The following COL4A3 variants were observed in gnomAD, a reference collection of about 807,000 sequenced individuals.
COL4A3 encodes the protein collagen alpha-3(IV) chain.
Under a neutral mutation model 217.4 loss-of-function variants are expected in COL4A3, and 135 were observed. That is an observed-to-expected ratio of 0.62 (90% CI 0.54 to 0.72). COL4A3 has a LOEUF of 0.72. Among genes scored for constraint, COL4A3 ranks in the 30% least tolerant of loss-of-function variants. The probability of loss-of-function intolerance (pLI) is 0.00; values close to 1 mark genes in which losing one functional copy is unlikely to be tolerated. For missense variants in COL4A3, 1,868 were observed against 2,119.9 expected (o/e 0.88, Z 2.33); for synonymous variants, 690 against 736.3 (o/e 0.94, Z 1.02).
Position 227,210,595 on chromosome 2 carries a change from G to A in COL4A3, c.88-27373G>A, listed in dbSNP as rs77500320. On this transcript the variant is annotated intron_variant, in intron 1 of 51. Coordinates refer to ENST00000396578, the MANE Select transcript of COL4A3 (RefSeq NM_000091.5). ...ACAGAGTGAGACTCCATCTCAAAAA[G>A]AAAAAAAGAATGCAAAATAAACACC... is the stretch of plus-strand genomic sequence containing the variant. Among the ~76,000 whole-genome samples, 738 of 151,954 alleles carry A rather than the reference G, an allele frequency of 4.9e-3. 7 individuals carry two copies. The highest frequency in any genetic ancestry group is 0.016 in the African/African-American group (675 of 41,440).
At chr2:227,254,303 C>CTG in intron 14 of COL4A3, 129 bp downstream of exon 14, 1 of 795,234 alleles carries the variant, frequency 1.3e-6, no homozygotes, top group Non-Finnish European at 2.1e-6. Context: ...AATGGCTACT[C>CTG]CACAGGCAGA....
chr2:227,302,978 C>G, intron 43 of COL4A3, 60 bp from the exon 44 acceptor site: 1 of 1,102,824 alleles, frequency 9.1e-7, no homozygotes, highest in South Asian at 1.2e-5. Flanking sequence ...TAAAAAACTG[C>G]TGTGAATTGA....
chr2:227,209,353 G>A (rs1455748534), intron 1 of COL4A3, among the ~76,000 whole-genome samples: 3 of 152,180 alleles, frequency 2.0e-5, no homozygotes, highest in African/African-American at 7.2e-5. Flanking sequence ...GTGGCCTTAG[G>A]TCCTCAGCAG....
At chr2:227,244,488 T>G in intron 4 of COL4A3, 124 bp downstream of exon 4, 37 of 927,200 alleles carry the variant, frequency 4.0e-5, no homozygotes, top group Non-Finnish European at 5.7e-5. Context: ...GAACAGGTAA[T>G]ACTAATCTGT....
chr2:227,236,484 C>CT (rs925958177), intron 1 of COL4A3, among the ~76,000 whole-genome samples: 1 of 152,122 alleles, frequency 6.6e-6, no homozygotes, highest in African/African-American at 2.4e-5. Flanking sequence ...TCTAGCATTT[C>CT]TTTTTTTATT....
chr2:227,173,071 G>A (rs2065549527), intron 1 of COL4A3, among the ~76,000 whole-genome samples: 1 of 152,142 alleles, frequency 6.6e-6, no homozygotes, highest in South Asian at 2.1e-4. Flanking sequence ...GTCTCAAGAT[G>A]TATTACAAAC....
intron 1 of COL4A3, among the ~76,000 whole-genome samples, chr2:227,166,209 A>G (rs181511880): frequency 4.4e-4 from 67 of 152,348 alleles, no homozygotes; most frequent in African/African-American, 1.6e-3. Context: ...TTTGTAATCT[A>G]TGTAATCTGT....
intron 1 of COL4A3, among the ~76,000 whole-genome samples, chr2:227,216,269 G>A (rs7583205): frequency 0.1 from 15,477 of 152,190 alleles, 917 homozygotes; most frequent in East Asian, 0.23. Context: ...ATCAAAGGAT[G>A]TTTAAAATAT....
At chr2:227,293,386 G>A in intron 38 of COL4A3, 69 bp downstream of exon 38, 1 of 1,543,702 alleles carries the variant, frequency 6.5e-7, no homozygotes, top group Non-Finnish European at 8.8e-7. Flanking sequence ...TGAAATCATT[G>A]TGGTAAACAG....
chr2:227,233,734 C>T (rs543543913), intron 1 of COL4A3, among the ~76,000 whole-genome samples: 21 of 152,198 alleles, frequency 1.4e-4, no homozygotes, highest in South Asian at 6.2e-4. Flanking sequence ...CACCTCATGG[C>T]GGCAGGTGGT....
At chr2:227,184,658 A>G (rs6718613) in intron 1 of COL4A3, among the ~76,000 whole-genome samples, 25,918 of 152,078 alleles carry the variant, frequency 0.17, 2,391 homozygotes, top group Admixed American at 0.25. Context: ...AACTTAAAAT[A>G]TTACTTTACT....
chr2:227,298,928 G>A, intron 43 of COL4A3, 116 bp downstream of exon 43: 1 of 1,031,720 alleles, frequency 9.7e-7, no homozygotes, highest in Non-Finnish European at 1.4e-6. Context: ...CCATTCTCAT[G>A]ATGTTAATAA....
intron 36 of COL4A3, 67 bp from the exon 37 acceptor site, chr2:227,290,680 G>A (rs539198342): frequency 1.3e-6 from 2 of 1,539,010 alleles, no homozygotes; most frequent in South Asian, 1.2e-5. Flanking sequence ...ATGTAAAACT[G>A]AAAAGTAGAA....
chr2:227,289,685 C>G (rs2072559981), intron 35 of COL4A3, among the ~76,000 whole-genome samples: 1 of 152,192 alleles, frequency 6.6e-6, no homozygotes, highest in Admixed American at 6.5e-5. Flanking sequence ...ATGGCAATAA[C>G]ACTTCAGGAT....
intron 43 of COL4A3, among the ~76,000 whole-genome samples, chr2:227,299,574 AT>A (rs2073189475): frequency 6.6e-6 from 1 of 152,234 alleles, no homozygotes; most frequent in Admixed American, 6.5e-5. Context: ...GCCAAACCAT[AT>A]CATTAACATT....
At chr2:227,266,537 G>A (rs779452925) in intron 22 of COL4A3, 28 bp downstream of exon 22, 1 of 1,541,124 alleles carries the variant, frequency 6.5e-7, no homozygotes. Context: ...TGTTGTATTA[G>A]GATAAGCCTT....
chr2:227,293,002 T>G (rs901975093), intron 37 of COL4A3, among the ~76,000 whole-genome samples, 189 bp from the exon 38 acceptor site: 17 of 152,212 alleles, frequency 1.1e-4, no homozygotes, highest in Admixed American at 5.9e-4. Flanking sequence ...AACTGCATTT[T>G]CATTTTGCAC....
At position 227,270,764 on chromosome 2, in the gene COL4A3, C is replaced by T. The variant is rs202210023; in HGVS notation, c.1576-6C>T. ...ACAATACAGATTCATTTGTGTACTA[C>T]CCTAGGGTTTCCCAGGTGCCCAGGG... On this transcript the variant is annotated splice_region_variant and splice_polypyrimidine_tract_variant and intron_variant, in intron 24 of 51. Coordinates refer to ENST00000396578, the MANE Select transcript of COL4A3 (RefSeq NM_000091.5). 63 of 1,613,374 alleles carry T rather than the reference C, an allele frequency of 3.9e-5. No individual in the cohort carries two copies. The highest frequency in any genetic ancestry group is 9.3e-6 in the Non-Finnish European group (11 of 1,179,572).
In COL4A3 at chr2:227,312,946, A is replaced by T. The variant is rs1299219207; in HGVS notation, c.*1076A>T. ...CTTTGTAAAAAAAAAAAAAAGCAAC[A>T]CTTTTTATGTTATATGTTGTTCTTA... On this transcript the variant is annotated 3_prime_UTR_variant, in exon 52 of 52. Coordinates refer to ENST00000396578, the MANE Select transcript of COL4A3 (RefSeq NM_000091.5). 2 of 151,916 alleles carry T rather than the reference A, an allele frequency of 1.3e-5. No homozygotes were observed. The highest frequency in any genetic ancestry group is 4.1e-4 in the South Asian group (2 of 4,826). The allele number at this position is 151,916 out of a possible 1,614,324, so 9.4% of individuals were successfully genotyped here. A position where few individuals can be genotyped will look rare whatever the true frequency, so the allele number is the denominator to read the frequency against.
Sources: gnomAD v4.1 joint callset for allele counts (sites outside exome capture counted in the v4.1 genomes callset) on GRCh38, gnomAD v4.1.1 for gene constraint, MANE v1.5 for transcripts, NCBI Gene and HGNC (gene_info 2026-07-23, HGNC 2026-07-21) for gene names.